Variants in CCDC178 observed in about 807,000 individuals in gnomAD.
CCDC178 encodes coiled-coil domain containing 178.
In CCDC178, 126 loss-of-function variants were observed where a neutral mutation model predicts 117.4. The ratio of observed to expected loss-of-function variants is 1.07; its 90% CI spans 0.93 to 1.24. The LOEUF (loss-of-function observed/expected upper bound fraction) is 1.24. Among genes scored for constraint, CCDC178 ranks in the 50% most tolerant of loss-of-function variants. The pLI, the probability that CCDC178 is intolerant of heterozygous loss-of-function variation, is 0.00. For missense variants in CCDC178, 1,030 were observed against 986.9 expected (o/e 1.04, Z -0.59); for synonymous variants, 283 against 313.4 (o/e 0.90, Z 1.02).
At chr18:33,195,478 G>A (rs948163240) in intron 20 of CCDC178, among the ~76,000 whole-genome samples, 13 of 152,018 alleles carry the variant, frequency 8.6e-5, no homozygotes, top group African/African-American at 3.1e-4. Context: ...AACAACCTAC[G>A]AACCTTAAGC....
At chr18:33,068,245 A>G (rs1196663208) in intron 21 of CCDC178, among the ~76,000 whole-genome samples, 1 of 152,172 alleles carries the variant, frequency 6.6e-6, no homozygotes, top group Admixed American at 6.5e-5. Flanking sequence ...ACTTACTTAT[A>G]AAGAAGAACT....
intron 20 of CCDC178, among the ~76,000 whole-genome samples, chr18:33,160,218 T>C (rs1183781642): frequency 2.6e-5 from 4 of 152,154 alleles, no homozygotes; most frequent in African/African-American, 9.6e-5. Context: ...ATAACTTATA[T>C]GAAATTAAAA....
intron 6 of CCDC178, among the ~76,000 whole-genome samples, chr18:33,357,934 C>T (rs2063078215): frequency 6.7e-6 from 1 of 148,688 alleles, no homozygotes; most frequent in South Asian, 2.1e-4. Flanking sequence ...AAATTCATTG[C>T]TAGGCAATTC....
intron 20 of CCDC178, among the ~76,000 whole-genome samples, chr18:33,160,114 C>T (rs190549446): frequency 3.6e-4 from 55 of 152,198 alleles, no homozygotes; most frequent in African/African-American, 1.3e-3. Flanking sequence ...AGGAAAGCTA[C>T]TTACTTCCAT....
Position 33,243,535 on chromosome 18 carries a change from T to C in CCDC178, c.1593+1710A>G, listed in dbSNP as rs2059512755. The stretch of plus-strand genomic sequence containing the variant: ...ATATCTACAATTATTATATGTCAAT[T>C]TAAAAAATAAAATTAAAAATAACAG... On this transcript the variant is annotated intron_variant, in intron 15 of 22. Coordinates refer to ENST00000383096, the MANE Select transcript of CCDC178 (RefSeq NM_001105528.4). Among the ~76,000 whole-genome samples the C allele has an allele frequency of 2.0e-5, 3 of 151,594 alleles. No homozygotes were observed. In the South Asian group the frequency reaches 6.2e-4, roughly 32 times the overall value.
chr18:33,423,700 C>A (rs2144942155), intron 2 of CCDC178, among the ~76,000 whole-genome samples: 1 of 152,152 alleles, frequency 6.6e-6, no homozygotes, highest in Admixed American at 6.6e-5. Context: ...TTACGAAGAT[C>A]TTCTCCCACT....
At chr18:33,177,859 C>T (rs1482881161) in intron 20 of CCDC178, among the ~76,000 whole-genome samples, 3 of 152,010 alleles carry the variant, frequency 2.0e-5, no homozygotes, top group East Asian at 3.9e-4. Context: ...CATTTTTTTA[C>T]TTTGCCTGAT....
At chr18:33,120,198 A>G (rs1194171943) in intron 20 of CCDC178, among the ~76,000 whole-genome samples, 1 of 151,878 alleles carries the variant, frequency 6.6e-6, no homozygotes, top group Non-Finnish European at 1.5e-5. Flanking sequence ...AAAGAAAGAA[A>G]AAAAAAAGAA....
At chr18:32,991,168 A>G (rs1005480408) in intron 21 of CCDC178, among the ~76,000 whole-genome samples, 7 of 152,302 alleles carry the variant, frequency 4.6e-5, no homozygotes, top group African/African-American at 1.7e-4. Context: ...TAGCAAGAAC[A>G]AATAATATAC....
chr18:33,081,620 T>C (rs1163378377), intron 21 of CCDC178, among the ~76,000 whole-genome samples: 2 of 152,236 alleles, frequency 1.3e-5, no homozygotes, highest in Non-Finnish European at 2.9e-5. Flanking sequence ...TTGTTTTATA[T>C]ACTTTTCTCA....
chr18:33,424,743 C>T (rs1380080561), intron 2 of CCDC178, among the ~76,000 whole-genome samples: 1 of 152,174 alleles, frequency 6.6e-6, no homozygotes, highest in Non-Finnish European at 1.5e-5. Flanking sequence ...GCAGGAGCCA[C>T]AGAGCTAGAG....
At chr18:33,291,584 T>C (rs4534930) in intron 12 of CCDC178, among the ~76,000 whole-genome samples, 125,738 of 152,088 alleles carry the variant, frequency 0.83, 52,841 homozygotes, top group South Asian at 0.93. Flanking sequence ...TTATATATTA[T>C]TTCCTTTTAC....
chr18:32,972,032 C>T (rs1353556042), intron 22 of CCDC178, among the ~76,000 whole-genome samples: 1 of 152,038 alleles, frequency 6.6e-6, no homozygotes, highest in Non-Finnish European at 1.5e-5. Flanking sequence ...AATTAGATCC[C>T]ATTTGCCAAT....
At chr18:33,313,053 G>C (rs2065612142) in intron 11 of CCDC178, among the ~76,000 whole-genome samples, 1 of 152,174 alleles carries the variant, frequency 6.6e-6, no homozygotes, top group Admixed American at 6.5e-5. Flanking sequence ...AAAAGCTGGT[G>C]CTCTTCCACT....
intron 19 of CCDC178, among the ~76,000 whole-genome samples, chr18:33,213,302 T>C (rs910826663): frequency 2.3e-4 from 35 of 152,116 alleles, no homozygotes; most frequent in African/African-American, 8.2e-4. Flanking sequence ...TGAAAACATA[T>C]CACTTTGTTT....
At chr18:33,187,286 C>T (rs529938677) in intron 20 of CCDC178, among the ~76,000 whole-genome samples, 15 of 152,210 alleles carry the variant, frequency 9.9e-5, no homozygotes, top group African/African-American at 3.4e-4. Context: ...GGTGGGGACA[C>T]AGAGCCAAAC....
chr18:33,003,679 C>A (rs2055689890), intron 21 of CCDC178, among the ~76,000 whole-genome samples: 1 of 152,034 alleles, frequency 6.6e-6, no homozygotes, highest in African/African-American at 2.4e-5. Context: ...GAAGTTCTAG[C>A]TAGAGCAATG....
At chr18:33,422,467 A>G (rs2064039327) in intron 2 of CCDC178, among the ~76,000 whole-genome samples, 1 of 152,026 alleles carries the variant, frequency 6.6e-6, no homozygotes, top group Non-Finnish European at 1.5e-5. Context: ...TCACTTCTCT[A>G]ATCTTAGCAT....
intron 20 of CCDC178, among the ~76,000 whole-genome samples, chr18:33,124,209 G>A (rs544759980): frequency 3.9e-5 from 6 of 152,262 alleles, no homozygotes; most frequent in African/African-American, 1.4e-4. Context: ...CTTCAGCCTT[G>A]ATCAAATTAA....
Sources: gnomAD v4.1 joint callset for allele counts (sites outside exome capture counted in the v4.1 genomes callset) on GRCh38, gnomAD v4.1.1 for gene constraint, MANE v1.5 for transcripts, NCBI Gene and HGNC (gene_info 2026-07-23, HGNC 2026-07-21) for gene names.